Variants in MRPL1 observed in about 807,000 individuals in gnomAD.
MRPL1 encodes mitochondrial ribosomal protein L1, also known as large ribosomal subunit protein uL1m.
In MRPL1, 28 loss-of-function variants were observed where a neutral mutation model predicts 38.0. The ratio of observed to expected loss-of-function variants is 0.74; its 90% CI spans 0.55 to 1.01. The LOEUF (loss-of-function observed/expected upper bound fraction) is 1.01. MRPL1 is among the 50% of genes least tolerant of loss of function. MRPL1 has a pLI of 0.00. For synonymous variants in MRPL1, 123 were observed against 126.7 expected, an observed-to-expected ratio of 0.97 and a Z score of 0.20; for missense variants, 358 against 389.8, an observed-to-expected ratio of 0.92 and a Z score of 0.69.
intron 3 of MRPL1, among the ~76,000 whole-genome samples, chr4:77,884,748 A>G (rs1171014135): frequency 6.6e-6 from 1 of 152,230 alleles, no homozygotes; most frequent in East Asian, 1.9e-4. Context: ...TGGGCAGATC[A>G]GCTGGATATT....
intron 8 of MRPL1, among the ~76,000 whole-genome samples, chr4:77,952,231 T>TA (rs1259639190): frequency 6.6e-6 from 1 of 152,242 alleles, no homozygotes. Flanking sequence ...AGTTCAAATT[T>TA]ATTTCAATGG....
chr4:77,922,605 A>G (rs762144882), intron 7 of MRPL1, among the ~76,000 whole-genome samples: 1 of 152,238 alleles, frequency 6.6e-6, no homozygotes, highest in African/African-American at 2.4e-5. Context: ...ATTCATTAAC[A>G]GTGAAAGTGA....
rs146320291 is a variant in MRPL1 at position 77,895,773 on chromosome 4, A to C, written c.670+1523A>C. ...TTTTGATAGCATGCATTAAGTCATAAATATTTATTAGATTTTGAACTGGTG... is the reference window on the plus strand; with the variant it reads ...TTTTGATAGCATGCATTAAGTCATACATATTTATTAGATTTTGAACTGGTG... On this transcript the variant is annotated intron_variant, in intron 6 of 8. Coordinates refer to ENST00000315567, the MANE Select transcript of MRPL1 (RefSeq NM_020236.4). Among the ~76,000 whole-genome samples, 1,458 of 152,184 alleles carry C rather than the reference A, an allele frequency of 9.6e-3. 24 individuals carry two copies. The highest frequency in any genetic ancestry group is 0.033 in the African/African-American group (1,386 of 41,510).
Position 77,885,339 on chromosome 4 carries a change from G to C in MRPL1, c.486G>C (p.Glu162Asp). Residue 162 changes from glutamate (E) to aspartate (D), a missense_variant and splice_region_variant, in exon 4 of 9, where the codon GAG becomes GAC. Transcript: ENST00000315567. ...TCAATAAAGTTGCTGTATTTACAGA[G>C]GTGAGTAACTTCCGTCAACTATTTA... The part of the protein sequence containing the change: ...SEINKVAVFT[E>D]NASEVKIAEE... The C allele has an allele frequency of 6.2e-7, 1 of 1,606,658 alleles. No individual in the cohort carries two copies. The highest frequency in any genetic ancestry group is 8.5e-7 in the Non-Finnish European group (1 of 1,173,252).
intron 6 of MRPL1, among the ~76,000 whole-genome samples, chr4:77,901,832 A>C (rs1736041616): frequency 6.6e-6 from 1 of 152,238 alleles, no homozygotes; most frequent in Non-Finnish European, 1.5e-5. Context: ...AAAATATTTG[A>C]ACAACACTCT....
chr4:77,934,503 CTG>C (rs1263292440), intron 7 of MRPL1, among the ~76,000 whole-genome samples: 1 of 152,092 alleles, frequency 6.6e-6, no homozygotes, highest in African/African-American at 2.4e-5. Flanking sequence ...CCTTCATACT[CTG>C]TAGGATGGCT....
At chr4:77,934,952 C>T (rs1313404756) in intron 7 of MRPL1, among the ~76,000 whole-genome samples, 1 of 152,176 alleles carries the variant, frequency 6.6e-6, no homozygotes, top group Non-Finnish European at 1.5e-5. Context: ...TATCATTCCA[C>T]TTGTATAAGG....
chr4:77,883,839 A>C (rs1487063030), intron 3 of MRPL1, among the ~76,000 whole-genome samples: 1 of 152,104 alleles, frequency 6.6e-6, no homozygotes, highest in Non-Finnish European at 1.5e-5. Context: ...TGGCCTCCCA[A>C]AGTGCTGGGA....
chr4:77,917,193 C>T (rs1736441991), intron 7 of MRPL1, among the ~76,000 whole-genome samples: 2 of 152,050 alleles, frequency 1.3e-5, no homozygotes, highest in Non-Finnish European at 2.9e-5. Flanking sequence ...TCTTATTCTC[C>T]ACAACTCTCT....
At chr4:77,875,696 A>G (rs975974208) in intron 2 of MRPL1, among the ~76,000 whole-genome samples, 15 of 152,158 alleles carry the variant, frequency 9.9e-5, no homozygotes, top group African/African-American at 3.6e-4. Flanking sequence ...GTTGAAAGGT[A>G]TTTCGGTAGT....
chr4:77,933,994 A>T (rs759773856), intron 7 of MRPL1, among the ~76,000 whole-genome samples: 1 of 152,202 alleles, frequency 6.6e-6, no homozygotes. Context: ...TTGTTCATAG[A>T]TGTTTTCCTA....
At chr4:77,901,005 G>A (rs1425397286) in intron 6 of MRPL1, among the ~76,000 whole-genome samples, 2 of 151,928 alleles carry the variant, frequency 1.3e-5, no homozygotes, top group Non-Finnish European at 2.9e-5. Context: ...GGTAAGGGAG[G>A]GGGAAGGATC....
intron 6 of MRPL1, among the ~76,000 whole-genome samples, chr4:77,897,515 T>C (rs377081948): frequency 6.6e-6 from 1 of 152,252 alleles, no homozygotes; most frequent in East Asian, 1.9e-4. Flanking sequence ...ATTAGAAAAT[T>C]AGAATTACAC....
chr4:77,919,978 T>G (rs530737197), intron 7 of MRPL1, among the ~76,000 whole-genome samples: 69 of 152,164 alleles, frequency 4.5e-4, no homozygotes, highest in African/African-American at 1.6e-3. Context: ...TACAGTCAAT[T>G]CTAACTAAAA....
At chr4:77,866,749 CT>C (rs199562168) in intron 1 of MRPL1, among the ~76,000 whole-genome samples, 227 of 144,742 alleles carry the variant, frequency 1.6e-3, no homozygotes, top group Middle Eastern at 3.6e-3. Flanking sequence ...TATCACCCCC[CT>C]TTTTTTTTTT....
At chr4:77,905,111 T>C (rs1736122585) in intron 6 of MRPL1, among the ~76,000 whole-genome samples, 1 of 152,182 alleles carries the variant, frequency 6.6e-6, no homozygotes, top group African/African-American at 2.4e-5. Context: ...CAAGAACCTG[T>C]ATCCATAATA....
intron 7 of MRPL1, among the ~76,000 whole-genome samples, chr4:77,943,474 T>A (rs888645981): frequency 1.3e-5 from 2 of 152,048 alleles, no homozygotes; most frequent in African/African-American, 2.4e-5. Context: ...TTTTCAAACT[T>A]TTAGATTTCT....
At chr4:77,875,934 T>G (rs1197594317) in intron 2 of MRPL1, among the ~76,000 whole-genome samples, 3 of 152,110 alleles carry the variant, frequency 2.0e-5, no homozygotes, top group African/African-American at 7.2e-5. Context: ...CTAACAACCT[T>G]GGATACCATC....
rs1245748832 is a variant in MRPL1 at position 77,935,381 on chromosome 4, A to G, written c.778-14416A>G. Among the ~76,000 whole-genome samples, 3 of 152,296 alleles carry G rather than the reference A, an allele frequency of 2.0e-5. No individual in the cohort carries two copies. In the East Asian group the frequency reaches 5.8e-4, roughly 29 times the overall value. ...GGTTTGGGTTTATGCCTCTAGATCA[A>G]CAGTGAAAATAATTCTTTTTTTTTT... On this transcript the variant is annotated intron_variant, in intron 7 of 8. Coordinates refer to ENST00000315567, the MANE Select transcript of MRPL1 (RefSeq NM_020236.4).
Sources: gnomAD v4.1 joint callset for allele counts (sites outside exome capture counted in the v4.1 genomes callset) on GRCh38, gnomAD v4.1.1 for gene constraint, MANE v1.5 for transcripts, NCBI Gene and HGNC (gene_info 2026-07-23, HGNC 2026-07-21) for gene names.